SYTL5: variants seen among roughly 807,000 people sequenced by gnomAD.
The protein encoded by SYTL5 is synaptotagmin like 5.
SYTL5 carries 34 observed loss-of-function variants against 55.9 expected under a neutral mutation model. The observed-to-expected ratio is 0.61, with a 90% CI of 0.46 to 0.81. The LOEUF is 0.81. Among genes scored for constraint, SYTL5 ranks in the 30% least tolerant of loss-of-function variants. The pLI, the probability that SYTL5 is intolerant of heterozygous loss-of-function variation, is 0.00. For missense variants in SYTL5, 637 were observed against 546.7 expected (o/e 1.17, Z -1.65); for synonymous variants, 221 against 188.7 (o/e 1.17, Z -1.40).
At chrX:38,021,769 C>CT (rs772735919) in intron 1 of SYTL5, among the ~76,000 whole-genome samples, 93 of 112,023 alleles carry the variant, frequency 8.3e-4, no homozygotes, top group African/African-American at 2.9e-3. Flanking sequence ...TTTCAGAACT[C>CT]TTTTTTCCCT....
At chrX:38,124,435 C>T (rs1297064797) in intron 15 of SYTL5, among the ~76,000 whole-genome samples, 1 of 111,609 alleles carries the variant, frequency 9.0e-6, no homozygotes, top group Non-Finnish European at 1.9e-5. Context: ...TAGCACTTTT[C>T]GTTTTTGTTC....
chrX:37,902,110 C>G, the SYTL5 span, among the ~76,000 whole-genome samples: 1 of 112,074 alleles, frequency 8.9e-6, no homozygotes, highest in South Asian at 3.7e-4. Context: ...CTCAATTTGG[C>G]TGCTGCAGTG....
intron 13 of SYTL5, among the ~76,000 whole-genome samples, chrX:38,114,859 C>T (rs1401004159): frequency 9.0e-6 from 1 of 111,034 alleles, no homozygotes; most frequent in East Asian, 2.8e-4. Context: ...CCCCTGATAA[C>T]CACCACTCTA....
At chrX:37,979,789 CT>C in the SYTL5 span, among the ~76,000 whole-genome samples, 36 of 106,513 alleles carry the variant, frequency 3.4e-4, no homozygotes, top group African/African-American at 1.1e-3. Flanking sequence ...TTGACCATTT[CT>C]TTTTTTAAAT....
Position 38,119,175 on chromosome X carries a change from C to T in SYTL5, c.1597-1183C>T, listed in dbSNP as rs137907750. On this transcript the variant is annotated intron_variant, in intron 13 of 16. Transcript: ENST00000297875. ...TTTATTCAGAATTCCCAGTTTGGTA[C>T]TCATTTGTGTGTGTGTGTGTGCACA... 4.0e-3 allele frequency among the ~76,000 whole-genome samples: 437 copies of T among 109,927 alleles called. 1 individual carries two copies. Among genetic ancestry groups the T allele is most frequent in the African/African-American group, 0.014 (420 of 30,125 alleles).
At chrX:37,951,378 T>C in the SYTL5 span, among the ~76,000 whole-genome samples, 1 of 111,460 alleles carries the variant, frequency 9.0e-6, no homozygotes, top group African/African-American at 3.3e-5. Context: ...ACGGTATAAA[T>C]ATGTTTTATG....
chrX:37,977,170 G>T, the SYTL5 span, among the ~76,000 whole-genome samples: 1 of 111,339 alleles, frequency 9.0e-6, no homozygotes, highest in African/African-American at 3.3e-5. Flanking sequence ...CCATCGAAAA[G>T]CTCAGATTCT....
chrX:37,923,451 C>A, the SYTL5 span, among the ~76,000 whole-genome samples: 1 of 110,642 alleles, frequency 9.0e-6, no homozygotes, highest in Admixed American at 9.7e-5. Context: ...GTTCAAAAAG[C>A]ATTTTTGATC....
chrX:38,125,156 TAA>T, intron 15 of SYTL5, 140 bp from the exon 16 acceptor site: 1 of 483,751 alleles, frequency 2.1e-6, no homozygotes, highest in Non-Finnish European at 3.4e-6. Flanking sequence ...GAAGAAATAA[TAA>T]GTCAGTTCAC....
intron 16 of SYTL5, 141 bp from the exon 17 acceptor site, chrX:38,126,447 C>G: frequency 1.8e-6 from 1 of 551,295 alleles, no homozygotes; most frequent in Admixed American, 3.6e-5. Context: ...AATTCTAACA[C>G]CACTCACTAT....
chrX:38,126,864 T>A lies in SYTL5; in HGVS notation c.*134T>A, dbSNP rs143821291. 1 of 634,283 alleles carries A rather than the reference T, an allele frequency of 1.6e-6. No homozygotes were observed. The highest frequency in any genetic ancestry group is 3.6e-5 in the East Asian group (1 of 27,929). The allele number at this position is 634,283 out of a possible 1,213,427, so 52.3% of individuals were successfully genotyped here. ...CAGTGTTGGGACATGAGGGGAGAGA[T>A]GTCAGTAGTATGAACATTTAGGGTC... On this transcript the variant is annotated 3_prime_UTR_variant, in exon 17 of 17. Transcript: ENST00000297875.
chrX:38,054,123 T>C (rs1935702039), intron 2 of SYTL5, 90 bp from the exon 3 acceptor site: 1 of 682,542 alleles, frequency 1.5e-6, no homozygotes, highest in Non-Finnish European at 2.2e-6. Flanking sequence ...AGGCAAATAT[T>C]CTATCTATTT....
intron 2 of SYTL5, among the ~76,000 whole-genome samples, chrX:38,050,076 G>A (rs1202019087): frequency 8.9e-6 from 1 of 111,744 alleles, no homozygotes; most frequent in Non-Finnish European, 1.9e-5. Context: ...CTTAGGCCTT[G>A]ATGTGCTCTA....
chrX:38,048,539 A>AT (rs1431298176), intron 2 of SYTL5, among the ~76,000 whole-genome samples: 1 of 110,321 alleles, frequency 9.1e-6, no homozygotes, highest in East Asian at 2.8e-4. Context: ...AAAAAAAAAA[A>AT]AAAAGAGGTT....
Position 38,104,373 on chromosome X carries a change from C to T in SYTL5, c.1155+1939C>T, listed in dbSNP as rs192751547. On this transcript the variant is annotated intron_variant, in intron 10 of 16. Coordinates refer to ENST00000297875, the MANE Select transcript of SYTL5 (RefSeq NM_138780.3). ...AACAGCCAAATCTCAGACCTCACCC[C>T]AGACTGAGGAGATAAGCGTTTTCAG... Among the ~76,000 whole-genome samples, 929 of 111,832 alleles carry T rather than the reference C, an allele frequency of 8.3e-3. 10 individuals are homozygous for T. The highest frequency in any genetic ancestry group is 0.029 in the African/African-American group (887 of 30,703).
intron 1 of SYTL5, among the ~76,000 whole-genome samples, chrX:38,016,973 T>C (rs1215508044): frequency 8.9e-6 from 1 of 112,534 alleles, no homozygotes; most frequent in Admixed American, 9.4e-5. Context: ...AAGCCTCTAC[T>C]GCAGAGCATC....
chrX:38,105,363 T>C (rs1426099738), intron 10 of SYTL5, among the ~76,000 whole-genome samples: 1 of 112,959 alleles, frequency 8.9e-6, no homozygotes, highest in Non-Finnish European at 1.9e-5. Context: ...GAGCGCAGTT[T>C]TGTTTTATAC....
chrX:37,942,412 A>G, the SYTL5 span, among the ~76,000 whole-genome samples: 1 of 111,923 alleles, frequency 8.9e-6, no homozygotes, highest in Non-Finnish European at 1.9e-5. Context: ...TCTTCAATGC[A>G]TTATGGGCAG....
intron 2 of SYTL5, among the ~76,000 whole-genome samples, chrX:38,044,688 T>C (rs182142593): frequency 1.8e-5 from 2 of 112,154 alleles, no homozygotes; most frequent in African/African-American, 3.2e-5. Flanking sequence ...TTCCTACTTC[T>C]TGCTGTACTG....
Sources: gnomAD v4.1 joint callset for allele counts (sites outside exome capture counted in the v4.1 genomes callset) on GRCh38, gnomAD v4.1.1 for gene constraint, MANE v1.5 for transcripts, NCBI Gene and HGNC (gene_info 2026-07-23, HGNC 2026-07-21) for gene names.